The following RABL6 variants were observed in gnomAD, a reference collection of about 807,000 sequenced individuals.
RABL6 encodes rab-like protein 6.
A neutral mutation model predicts 72.9 loss-of-function variants in RABL6; 28 were observed. The ratio of observed to expected loss-of-function variants is 0.38; its 90% CI spans 0.28 to 0.53. The LOEUF (loss-of-function observed/expected upper bound fraction) is 0.53. Ranked by LOEUF, RABL6 falls within the 20% of genes least tolerant of loss-of-function variation. The pLI is 0.80. For missense variants in RABL6, 1,029 were observed against 1,008.4 expected (o/e 1.02, Z -0.28); for synonymous variants, 477 against 421.2 (o/e 1.13, Z -1.62).
chr9:136,839,212 G>A lies in RABL6; in HGVS notation c.1494-10G>A, dbSNP rs1281992146. On this transcript the variant is annotated splice_polypyrimidine_tract_variant and intron_variant, in intron 11 of 14. Transcript: ENST00000311502. ...GAGGACCCTGACTGACCCTCTGCTT[G>A]TCCACAAAGGTCCTCCATACCAGCT... The A allele has an allele frequency of 6.3e-7, 1 of 1,594,276 alleles. No individual in the cohort carries two copies. Among genetic ancestry groups the A allele is most frequent in the Non-Finnish European group, 8.5e-7 (1 of 1,169,732 alleles).
At chr9:136,816,972 A>G (rs1004796307) in intron 1 of RABL6, among the ~76,000 whole-genome samples, 4 of 152,214 alleles carry the variant, frequency 2.6e-5, no homozygotes, top group Non-Finnish European at 5.9e-5. Context: ...TAAAGATGTA[A>G]AAGGAAGCAA....
chr9:136,840,265 G>A lies in RABL6; in HGVS notation c.1989+53G>A, dbSNP rs571108549. 5.0e-5 allele frequency: 81 copies of A among 1,612,190 alleles called. No individual in the cohort carries two copies. The African/African-American group carries it at 1.0e-3, about 21-fold the overall frequency. On this transcript the variant is annotated intron_variant, in intron 14 of 14. Coordinates refer to ENST00000311502, the MANE Select transcript of RABL6 (RefSeq NM_024718.5). ...CCAGGACTGGGTGGCATGCGGTCCTGGGACCAGGGCTGTGGCTTCCTGTGA... is the reference window on the plus strand; with the variant it reads ...CCAGGACTGGGTGGCATGCGGTCCTAGGACCAGGGCTGTGGCTTCCTGTGA...
intron 5 of RABL6, 69 bp from the exon 6 acceptor site, chr9:136,831,652 G>C: frequency 1.9e-6 from 3 of 1,596,380 alleles, no homozygotes; most frequent in Non-Finnish European, 2.6e-6. Flanking sequence ...TGGGCGCACA[G>C]CACCTTTCCA....
rs1199806917 is a variant in RABL6 at position 136,837,590 on chromosome 9, G to A, written c.1054G>A (p.Ala352Thr). 30 of 1,500,088 alleles carry A rather than the reference G, an allele frequency of 2.0e-5. No individual in the cohort carries two copies. The highest frequency in any genetic ancestry group is 5.9e-5 in the African/African-American group (4 of 68,028). 92.9% of individuals were successfully genotyped at this position (1,500,088 alleles called of 1,614,324 possible). A position where few individuals can be genotyped will look rare whatever the true frequency, so the allele number is the denominator to read the frequency against. ...CCCACCTGCGTGCCCCTCAGCCCCCGCCCCACGGCGCAGCATCATCTCTAG... is the reference window on the plus strand; with the variant it reads ...CCCACCTGCGTGCCCCTCAGCCCCCACCCCACGGCGCAGCATCATCTCTAG... ...LPPPACPSAPAPRRSIISRLF... is the reference protein window; with the variant it reads ...LPPPACPSAPTPRRSIISRLF... Residue 352 changes from alanine to threonine, a missense_variant, in exon 9 of 15, where the codon GCC becomes ACC. Ala to Thr is a moderately conservative substitution (Grantham distance 58, BLOSUM62 0). Around this residue, in one of 2 missense-constraint regions of RABL6, gnomAD observed 434 missense variants for 536.1 expected, o/e 0.81. Transcript: ENST00000311502.
chr9:136,829,535 C>T, intron 5 of RABL6, 51 bp downstream of exon 5: 5 of 1,450,172 alleles, frequency 3.4e-6, no homozygotes, highest in Non-Finnish European at 4.7e-6. Flanking sequence ...CCCCCCTAGC[C>T]CCTTGGGCGC....
At chr9:136,824,370 G>A (rs1199691806) in intron 2 of RABL6, among the ~76,000 whole-genome samples, 9 of 117,950 alleles carry the variant, frequency 7.6e-5, no homozygotes, top group East Asian at 2.8e-4. Flanking sequence ...TCTCACTGTC[G>A]CCCAGACTGG....
intron 7 of RABL6, chr9:136,833,347 C>T: frequency 2.7e-6 from 1 of 363,894 alleles, no homozygotes; most frequent in Non-Finnish European, 5.2e-6. Context: ...TCGCCCTGGG[C>T]TGCCCCGCCT....
intron 5 of RABL6, among the ~76,000 whole-genome samples, chr9:136,830,195 G>C (rs1477250009): frequency 6.6e-6 from 1 of 152,266 alleles, no homozygotes; most frequent in Admixed American, 6.5e-5. Context: ...AGTGGGTCTG[G>C]CCTGGGGGCC....
At chr9:136,819,089 A>G (rs999494111) in intron 1 of RABL6, among the ~76,000 whole-genome samples, 2 of 152,100 alleles carry the variant, frequency 1.3e-5, no homozygotes, top group East Asian at 1.9e-4. Flanking sequence ...TTGGGAGGCC[A>G]AGGCGAGTGG....
chr9:136,821,221 G>A (rs563545800), intron 1 of RABL6: 1 of 687,856 alleles, frequency 1.5e-6, no homozygotes, highest in East Asian at 1.4e-4. Flanking sequence ...CCGTAGGGTT[G>A]AGGAGCCGAG....
At chr9:136,832,223 C>G in intron 6 of RABL6, 42 bp from the exon 7 acceptor site, 1 of 1,566,718 alleles carries the variant, frequency 6.4e-7, no homozygotes, top group East Asian at 2.2e-5. Flanking sequence ...GGCACCAGGG[C>G]AAGGGTCTTT....
intron 14 of RABL6, 24 bp from the exon 15 acceptor site, chr9:136,840,298 G>T: frequency 6.2e-7 from 1 of 1,606,220 alleles, no homozygotes; most frequent in Admixed American, 1.7e-5. Context: ...TGACTCCATG[G>T]CGCCCCATCC....
chr9:136,840,553 G>C lies in RABL6; in HGVS notation c.*31G>C. On this transcript the variant is annotated 3_prime_UTR_variant, in exon 15 of 15. Coordinates refer to ENST00000311502, the MANE Select transcript of RABL6 (RefSeq NM_024718.5). Reference sequence around the variant, plus strand: ...CGTGGGCAGTGGCCGCCCTGGGGCGGGGGGCGTGCCTGTCACTGCCTGGGG... The same window carrying C: ...CGTGGGCAGTGGCCGCCCTGGGGCGCGGGGCGTGCCTGTCACTGCCTGGGG... 6.5e-7 allele frequency: 1 copy of C among 1,546,796 alleles called. No individual in the cohort carries two copies. The highest frequency in any genetic ancestry group is 8.7e-7 in the Non-Finnish European group (1 of 1,146,124).
chr9:136,822,140 T>A, intron 1 of RABL6: 1 of 1,228,932 alleles, frequency 8.1e-7, no homozygotes, highest in South Asian at 1.3e-5. Flanking sequence ...CCTCAGAGCT[T>A]CGAGGCCGGG....
At chr9:136,821,963 T>C (rs754300211) in intron 1 of RABL6, 48 of 1,289,088 alleles carry the variant, frequency 3.7e-5, no homozygotes, top group Non-Finnish European at 4.6e-5. Context: ...CGCCGAGATA[T>C]GACCAGAGGC....
At chr9:136,832,736 A>G (rs2811747) in intron 7 of RABL6, 292,892 of 355,698 alleles carry the variant, frequency 0.82, 120,880 homozygotes, top group East Asian at 0.87. Context: ...GGCTCAGGCA[A>G]TCCTCCCACC....
chr9:136,832,143 T>A, intron 6 of RABL6, 122 bp from the exon 7 acceptor site: 3 of 1,001,102 alleles, frequency 3.0e-6, no homozygotes, highest in Non-Finnish European at 4.5e-6. Flanking sequence ...CAGGGTCCTG[T>A]GGCCTCAGGA....
intron 1 of RABL6, among the ~76,000 whole-genome samples, chr9:136,815,824 A>G (rs1848108043): frequency 6.6e-6 from 1 of 152,256 alleles, no homozygotes; most frequent in African/African-American, 2.4e-5. Context: ...AATCAGGGTA[A>G]GAAAGGCTCA....
rs570781944 is a variant in RABL6 at position 136,838,187 on chromosome 9, C to T, written c.1280+172C>T. Among the ~76,000 whole-genome samples, 15 of 152,334 alleles carry T rather than the reference C, an allele frequency of 9.8e-5. 1 individual carries two copies. The highest frequency in any genetic ancestry group is 1.4e-4 in the African/African-American group (6 of 41,568). Reference sequence around the variant, plus strand: ...GGAGCAGACGAGGGAAGGGCTTGGACGGGGCTTCCAGACATCAGAAAGGCC... The same window carrying T: ...GGAGCAGACGAGGGAAGGGCTTGGATGGGGCTTCCAGACATCAGAAAGGCC... On this transcript the variant is annotated intron_variant, in intron 10 of 14. Coordinates refer to ENST00000311502, the MANE Select transcript of RABL6 (RefSeq NM_024718.5).
Sources: gnomAD v4.1 joint callset for allele counts (sites outside exome capture counted in the v4.1 genomes callset) on GRCh38, gnomAD v4.1.1 for gene constraint, gnomAD v4.1.1 regional missense constraint, MANE v1.5 for transcripts, NCBI Gene and HGNC (gene_info 2026-07-23, HGNC 2026-07-21) for gene names.